ADSL: variants seen among roughly 807,000 people sequenced by gnomAD.
ADSL encodes the protein adenylosuccinate lyase.
In ADSL, 44 loss-of-function variants were observed where a neutral mutation model predicts 62.1. That is an observed-to-expected ratio of 0.71 (90% confidence interval 0.56 to 0.91). The LOEUF (loss-of-function observed/expected upper bound fraction) is 0.91, where lower values mean the gene tolerates loss of function less well. ADSL is among the 40% of genes least tolerant of loss of function. The pLI is 0.00. For missense variants in ADSL, 531 were observed against 627.4 expected (o/e 0.85, Z 1.64); for synonymous variants, 198 against 220.5 (o/e 0.90, Z 0.90).
At chr22:40,366,286 T>C (rs1348985473) in intron 12 of ADSL, 150 bp from the exon 13 acceptor site, 2 of 670,156 alleles carry the variant, frequency 3.0e-6, no homozygotes, top group Non-Finnish European at 5.4e-6. Flanking sequence ...AGGCAGAAAT[T>C]CCTGATAGGC....
intron 4 of ADSL, among the ~76,000 whole-genome samples, chr22:40,356,871 C>T (rs890136275): frequency 1.9e-4 from 29 of 151,960 alleles, no homozygotes; most frequent in Admixed American, 2.6e-4. Context: ...GACATTAGGG[C>T]AACTTATTCA....
At chr22:40,348,495 C>T (rs1280262827) in intron 1 of ADSL, 1 of 398,644 alleles carries the variant, frequency 2.5e-6, no homozygotes, top group Non-Finnish European at 4.4e-6. Context: ...GCTGTCCTCT[C>T]ACCTCAGCCT....
At chr22:40,365,144 G>A in intron 12 of ADSL, 88 bp downstream of exon 12, 1 of 1,367,196 alleles carries the variant, frequency 7.3e-7, no homozygotes, top group East Asian at 2.3e-5. Context: ...GGTATGGTGG[G>A]AATGGGCTAG....
In ADSL at chr22:40,354,447, A is replaced by G. The variant is rs2044472231; in HGVS notation, c.482+120A>G. The G allele has an allele frequency of 6.0e-6, 5 of 838,424 alleles. No homozygotes were observed. In the Admixed American group the frequency reaches 8.6e-5, roughly 14 times the overall value. 51.9% of individuals were successfully genotyped at this position (838,424 alleles called of 1,614,324 possible). On this transcript the variant is annotated intron_variant, in intron 4 of 12. Coordinates refer to ENST00000623063, the MANE Select transcript of ADSL (RefSeq NM_000026.4). Reference sequence around the variant, plus strand: ...TGAAAACATGATTTAAATATAAGTAATTTGGGATGCTTATAAGGAATGAGC... The same window carrying G: ...TGAAAACATGATTTAAATATAAGTAGTTTGGGATGCTTATAAGGAATGAGC...
chr22:40,377,882 C>T (rs534368147), intron 2 of ADSL, among the ~76,000 whole-genome samples: 1 of 150,810 alleles, frequency 6.6e-6, no homozygotes, highest in African/African-American at 2.4e-5. Context: ...AATCAGCTAA[C>T]TTTAACCTGA....
intron 2 of ADSL, among the ~76,000 whole-genome samples, chr22:40,377,955 A>G (rs1030799730): frequency 6.6e-6 from 1 of 152,208 alleles, no homozygotes; most frequent in Non-Finnish European, 1.5e-5. Flanking sequence ...GTAGAATACA[A>G]AGTACCCCTA....
chr22:40,350,326 C>T, intron 2 of ADSL: 1 of 353,150 alleles, frequency 2.8e-6, no homozygotes, highest in East Asian at 7.3e-5. Flanking sequence ...TGGGGTTTCA[C>T]CATGTTAGCC....
Position 40,365,021 on chromosome 22 carries a change from G to A in ADSL, c.1333G>A (p.Asp445Asn), listed in dbSNP as rs2044946644. Reference sequence around the variant, plus strand: ...TCACTCCCAGTTGGATCATTTACTGGATCCTTCTTCTTTCACTGGTCGTGC... The same window carrying A: ...TCACTCCCAGTTGGATCATTTACTGAATCCTTCTTCTTTCACTGGTCGTGC... The part of the protein sequence containing the change: ...PIHSQLDHLL[D>N]PSSFTGRASQ... The change falls in exon 12 of 13, where the codon GAT (aspartate) becomes AAT (asparagine). Residue 445 changes from aspartate (D) to asparagine (N), a missense_variant. Physicochemically the swap from Asp to Asn is conservative, Grantham distance 23. Coordinates refer to ENST00000623063, the MANE Select transcript of ADSL (RefSeq NM_000026.4). 1 of 1,613,966 alleles carries A rather than the reference G, an allele frequency of 6.2e-7. No homozygotes were observed. Among genetic ancestry groups the A allele is most frequent in the Admixed American group, 1.7e-5 (1 of 59,990 alleles).
chr22:40,354,868 CA>C (rs58428966), intron 4 of ADSL, among the ~76,000 whole-genome samples: 3,886 of 70,148 alleles, frequency 0.055, 99 homozygotes, highest in African/African-American at 0.16. Flanking sequence ...GACTCCGTCT[CA>C]AAAAAAAAAA....
intron 2 of ADSL, among the ~76,000 whole-genome samples, chr22:40,385,418 C>T (rs2048258100): frequency 6.6e-6 from 1 of 151,994 alleles, no homozygotes; most frequent in Admixed American, 6.6e-5. Context: ...GACACGAAGC[C>T]ATTGGAGAAG....
At chr22:40,350,815 T>C (rs1183209128) in intron 2 of ADSL, among the ~76,000 whole-genome samples, 1 of 151,860 alleles carries the variant, frequency 6.6e-6, no homozygotes, top group African/African-American at 2.4e-5. Flanking sequence ...AGAGAGGGGT[T>C]TTGCCATGTT....
chr22:40,355,773 T>C (rs1406858888), intron 4 of ADSL, among the ~76,000 whole-genome samples: 1 of 152,194 alleles, frequency 6.6e-6, no homozygotes, highest in Non-Finnish European at 1.5e-5. Context: ...GGATATACTA[T>C]AGCTTGTGAT....
In ADSL at chr22:40,346,659, A is replaced by G. The variant is rs780994144; in HGVS notation, c.101A>G (p.Tyr34Cys). 5.6e-6 allele frequency: 9 copies of G among 1,613,188 alleles called. No individual in the cohort carries two copies. The highest frequency in any genetic ancestry group is 5.5e-5 in the South Asian group (5 of 90,924). ...PEMCFVFSDRYKFRTWRQLWL... is the reference protein window; with the variant it reads ...PEMCFVFSDRCKFRTWRQLWL... ...ATGTGCTTCGTGTTTAGCGACAGGT[A>G]TAAATTCCGGACATGGCGGCAGCTG... Residue 34 changes from tyrosine (Y) to cysteine (C), a missense_variant, in exon 1 of 13, where the codon TAT (tyrosine) becomes TGT (cysteine). Physicochemically the swap from Tyr to Cys is radical, Grantham distance 194 (BLOSUM62 -2). Coordinates refer to ENST00000623063, the MANE Select transcript of ADSL (RefSeq NM_000026.4).
Position 40,346,731 on chromosome 22 carries a change from G to C in ADSL, c.153+20G>C. ...GAGCAGGTAACGGATCCCGGGCTGA[G>C]GGGCTGGGCCGGGAGGGACGGGCCC... is the stretch of plus-strand genomic sequence containing the variant. On this transcript the variant is annotated intron_variant, in intron 1 of 12. Transcript: ENST00000623063. The C allele has an allele frequency of 6.3e-7, 1 of 1,591,206 alleles. No homozygotes were observed. The highest frequency in any genetic ancestry group is 8.5e-7 in the Non-Finnish European group (1 of 1,172,788).
chr22:40,351,112 G>A (rs925921844), intron 2 of ADSL, among the ~76,000 whole-genome samples: 11 of 151,938 alleles, frequency 7.2e-5, no homozygotes, highest in Middle Eastern at 3.4e-3. Context: ...CTCCCACCTC[G>A]GGCTCCTGAG....
At chr22:40,372,947 A>T (rs1229687386), downstream of ADSL, 1 of 152,232 alleles carries the variant, frequency 6.6e-6, no homozygotes, top group Non-Finnish European at 1.5e-5. Context: ...GAGCTCATGC[A>T]GACTGTCACA....
chr22:40,378,059 A>G (rs941524456), intron 2 of ADSL: 1 of 152,206 alleles, frequency 6.6e-6, no homozygotes, highest in South Asian at 2.1e-4. Context: ...CTGTCTTGGT[A>G]TGTGGAAATA....
chr22:40,361,611 G>T lies in ADSL; in HGVS notation c.986G>T (p.Arg329Leu). The T allele has an allele frequency of 6.2e-7, 1 of 1,613,872 alleles. No individual in the cohort carries two copies. ...LQTASVQWFE[R>L]TLDDSANRRI... is the part of the protein sequence containing the mutation. ...ACAGCATCTGTCCAGTGGTTTGAAC[G>T]CACACTGGATGATAGTGCCAACCGG... The change falls in exon 9 of 13, where the codon CGC becomes CTC. Residue 329 changes from arginine to leucine, a missense_variant. By Grantham distance (102) the Arg-to-Leu change is moderately radical. Coordinates refer to ENST00000623063, the MANE Select transcript of ADSL (RefSeq NM_000026.4).
intron 9 of ADSL, among the ~76,000 whole-genome samples, chr22:40,362,522 A>G (rs1024837099): frequency 6.6e-6 from 1 of 152,230 alleles, no homozygotes; most frequent in African/African-American, 2.4e-5. Context: ...CTGAGGCCAC[A>G]TTGGTGCAGT....
Sources: gnomAD v4.1 joint callset for allele counts (sites outside exome capture counted in the v4.1 genomes callset) on GRCh38, gnomAD v4.1.1 for gene constraint, MANE v1.5 for transcripts, NCBI Gene and HGNC (gene_info 2026-07-23, HGNC 2026-07-21) for gene names.